The following RERE variants were observed in gnomAD, a reference collection of about 807,000 sequenced individuals.
RERE encodes the protein arginine-glutamic acid dipeptide repeats.
In RERE, 40 loss-of-function variants were observed where a neutral mutation model predicts 146.1. That is an observed-to-expected ratio of 0.27 (90% CI 0.21 to 0.36). The LOEUF is 0.36. Ranked by LOEUF, RERE falls within the 10% of genes least tolerant of loss-of-function variation. The pLI is 1.00. For missense variants in RERE, 1,933 were observed against 2,138.7 expected (o/e 0.90, Z 1.90); for synonymous variants, 1,003 against 866.0 (o/e 1.16, Z -2.78).
chr1:8,359,768 G>A lies in RERE; in HGVS notation c.3614C>T (p.Ala1205Val), dbSNP rs764364709. ...EREREREAER[A>V]AKASSSAHEG... ...CCTCGCCAACCCTGGACTCACAGCCGCCCGCTCTGCCTCGCGCTCCCGCTC... is the reference window on the plus strand; with the variant it reads ...CCTCGCCAACCCTGGACTCACAGCCACCCGCTCTGCCTCGCGCTCCCGCTC... The change falls in exon 19 of 23, where the codon GCG becomes GTG. Residue 1205 changes from alanine (A) to valine (V), a missense_variant. This residue lies in a region of RERE where 1,255 missense variants were observed against 1,153.8 expected (regional missense o/e 1.09). Transcript: ENST00000400908. 22 of 1,599,360 alleles carry A rather than the reference G, an allele frequency of 1.4e-5. No homozygotes were observed. The highest frequency in any genetic ancestry group is 5.3e-5 in the African/African-American group (4 of 74,838).
chr1:8,659,946 A>T (rs1638416098), intron 1 of RERE, among the ~76,000 whole-genome samples: 1 of 152,156 alleles, frequency 6.6e-6, no homozygotes, highest in Non-Finnish European at 1.5e-5. Context: ...AACAATAAAG[A>T]TGTCTATAAA....
chr1:8,406,585 T>C (rs1030570809), intron 12 of RERE, among the ~76,000 whole-genome samples: 8 of 152,200 alleles, frequency 5.3e-5, no homozygotes, highest in Non-Finnish European at 1.2e-4. Flanking sequence ...GGGAATGCTT[T>C]ATACTCTTCT....
Position 8,361,829 on chromosome 1 carries a change from C to T in RERE, c.1950G>A (p.Gln650=). 6.2e-7 allele frequency: 1 copy of T among 1,614,128 alleles called. No individual in the cohort carries two copies. The highest frequency in any genetic ancestry group is 8.5e-7 in the Non-Finnish European group (1 of 1,179,946). ...CCGTATCAGAGGCCACCTTCTCCCG[C>T]TGGCGTTTGTTACTCTTAAGAGGGG... ...ASSPLKSNKR[Q]REKVASDTEE... Residue 650 remains glutamine, a synonymous_variant, in exon 17 of 23, where the codon CAG becomes CAA. Transcript: ENST00000400908.
intron 6 of RERE, among the ~76,000 whole-genome samples, chr1:8,550,574 T>C (rs1324912244): frequency 6.6e-6 from 1 of 152,050 alleles, no homozygotes; most frequent in Non-Finnish European, 1.5e-5. Context: ...TGAGACAGAG[T>C]CTCGCTCTGT....
intron 11 of RERE, among the ~76,000 whole-genome samples, chr1:8,425,422 G>A (rs1204639734): frequency 6.6e-6 from 1 of 152,208 alleles, no homozygotes; most frequent in African/African-American, 2.4e-5. Context: ...GACCCAAGAA[G>A]GCTAGACTGC....
chr1:8,774,193 G>A (rs566198576), intron 1 of RERE, among the ~76,000 whole-genome samples: 4 of 152,078 alleles, frequency 2.6e-5, no homozygotes, highest in East Asian at 1.9e-4. Flanking sequence ...CTGAATATTC[G>A]AGATGCATTT....
intron 1 of RERE, among the ~76,000 whole-genome samples, chr1:8,790,738 C>A (rs1351605647): frequency 6.6e-6 from 1 of 152,218 alleles, no homozygotes; most frequent in Admixed American, 6.5e-5. Context: ...CATGCGCCAC[C>A]ATGCCCAAAT....
chr1:8,555,058 T>C (rs1402343385), intron 6 of RERE, among the ~76,000 whole-genome samples: 2 of 152,242 alleles, frequency 1.3e-5, no homozygotes, highest in Non-Finnish European at 2.9e-5. Context: ...TGAGAAACTC[T>C]CTAAATTCAT....
At chr1:8,613,172 A>G (rs1646812389) in intron 4 of RERE, among the ~76,000 whole-genome samples, 1 of 152,184 alleles carries the variant, frequency 6.6e-6, no homozygotes, top group Non-Finnish European at 1.5e-5. Context: ...GCTACAGTCA[A>G]TCTTCTTAAG....
intron 7 of RERE, among the ~76,000 whole-genome samples, chr1:8,517,716 AAAC>A (rs1645438842): frequency 6.6e-6 from 1 of 152,204 alleles, no homozygotes; most frequent in African/African-American, 2.4e-5. Flanking sequence ...TGATACAAAA[AAAC>A]CCCAGTGTAA....
At chr1:8,582,062 T>C (rs753000726) in intron 4 of RERE, among the ~76,000 whole-genome samples, 5 of 152,312 alleles carry the variant, frequency 3.3e-5, no homozygotes, top group Non-Finnish European at 7.3e-5. Context: ...CTTGCTGGTA[T>C]ATAATATCAG....
chr1:8,675,675 A>T (rs1638821826), intron 1 of RERE, among the ~76,000 whole-genome samples: 1 of 151,920 alleles, frequency 6.6e-6, no homozygotes, highest in Non-Finnish European at 1.5e-5. Flanking sequence ...GCGAACTGAG[A>T]TCACACCACT....
chr1:8,793,542 T>C (rs1641408375), intron 1 of RERE, among the ~76,000 whole-genome samples: 1 of 152,162 alleles, frequency 6.6e-6, no homozygotes, highest in South Asian at 2.1e-4. Flanking sequence ...TGTATTCTCC[T>C]AAGAAGTGGT....
chr1:8,495,213 G>C (rs1645029914), intron 9 of RERE, 51 bp from the exon 10 acceptor site: 2 of 1,353,668 alleles, frequency 1.5e-6, no homozygotes, highest in Admixed American at 1.7e-5. Flanking sequence ...TATCAGGACA[G>C]AGACTTAGAC....
At chr1:8,722,208 T>G (rs964335042) in intron 1 of RERE, among the ~76,000 whole-genome samples, 1 of 152,198 alleles carries the variant, frequency 6.6e-6, no homozygotes, top group African/African-American at 2.4e-5. Flanking sequence ...GAAACACAAC[T>G]CAATCCACGC....
chr1:8,575,179 G>T (rs902170870), intron 4 of RERE, among the ~76,000 whole-genome samples: 64 of 152,196 alleles, frequency 4.2e-4, no homozygotes, highest in African/African-American at 1.4e-3. Flanking sequence ...AGACCTGCTG[G>T]ACTAGTTCTG....
At chr1:8,384,724 C>T (rs867471310) in intron 12 of RERE, among the ~76,000 whole-genome samples, 3 of 152,238 alleles carry the variant, frequency 2.0e-5, no homozygotes, top group African/African-American at 7.2e-5. Flanking sequence ...CAGTTCTGTA[C>T]ACTCTTACTC....
chr1:8,773,717 G>T (rs1263397658), intron 1 of RERE, among the ~76,000 whole-genome samples: 1 of 152,250 alleles, frequency 6.6e-6, no homozygotes, highest in East Asian at 1.9e-4. Context: ...CCAGCTACTT[G>T]GGAGGCTGAG....
intron 1 of RERE, among the ~76,000 whole-genome samples, chr1:8,706,138 A>G (rs1268845353): frequency 7.3e-6 from 1 of 136,880 alleles, no homozygotes; most frequent in Admixed American, 7.5e-5. Context: ...AAAAAAAAAA[A>G]GAATGTCTTC....
Sources: allele counts gnomAD v4.1 joint callset (sites outside exome capture counted in the v4.1 genomes callset), GRCh38; gene constraint gnomAD v4.1.1; regional missense constraint gnomAD v4.1.1; transcripts MANE v1.5; gene names NCBI Gene and HGNC (gene_info 2026-07-23, HGNC 2026-07-21).